The following CCSER2 variants were observed in gnomAD, a reference collection of about 807,000 sequenced individuals.
CCSER2 encodes serine-rich coiled-coil domain-containing protein 2.
Under a neutral mutation model 92.3 loss-of-function variants are expected in CCSER2, and 46 were observed. The ratio of observed to expected loss-of-function variants is 0.50; its 90% CI spans 0.39 to 0.64. CCSER2 has a LOEUF of 0.64. Among genes scored for constraint, CCSER2 ranks in the 30% least tolerant of loss-of-function variants. CCSER2 has a pLI of 0.00. For missense variants in CCSER2, 1,244 were observed against 1,238.9 expected, an observed-to-expected ratio of 1.00 and a Z score of -0.06; for synonymous variants, 433 against 431.4, an observed-to-expected ratio of 1.00 and a Z score of -0.04.
At chr10:84,440,454 GTATA>G (rs947267249) in intron 6 of CCSER2, among the ~76,000 whole-genome samples, 1 of 152,026 alleles carries the variant, frequency 6.6e-6, no homozygotes, top group South Asian at 2.1e-4. Flanking sequence ...AATGTGATAC[GTATA>G]TATAGTTTTC....
At chr10:84,453,980 T>G (rs1209075734) in intron 6 of CCSER2, among the ~76,000 whole-genome samples, 3 of 152,214 alleles carry the variant, frequency 2.0e-5, no homozygotes, top group Non-Finnish European at 4.4e-5. Flanking sequence ...AGCTGTTTTT[T>G]GATCAAATCT....
chr10:84,470,979 T>A lies in CCSER2; in HGVS notation c.2235+521T>A, dbSNP rs192490184. On this transcript the variant is annotated intron_variant, in intron 8 of 9. Transcript: ENST00000372088. ...TGCAATTTCACATATTAGTCTCATATGAAAACAATATGTATGGTGTCTTGA... is the reference window on the plus strand; with the variant it reads ...TGCAATTTCACATATTAGTCTCATAAGAAAACAATATGTATGGTGTCTTGA... Among the ~76,000 whole-genome samples the A allele has an allele frequency of 6.2e-3, 938 of 152,202 alleles. 6 individuals are homozygous for A. Among genetic ancestry groups the A allele is most frequent in the South Asian group, 0.025 (121 of 4,824 alleles).
intron 9 of CCSER2, among the ~76,000 whole-genome samples, chr10:84,494,574 C>T (rs1420434344): frequency 6.6e-6 from 1 of 152,152 alleles, no homozygotes; most frequent in Non-Finnish European, 1.5e-5. Flanking sequence ...ATTTCCCCCT[C>T]CCCTTTACAA....
At chr10:84,457,266 T>TATATATTATATATTATATATA (rs1564684438) in intron 6 of CCSER2, among the ~76,000 whole-genome samples, 23 of 24,488 alleles carry the variant, frequency 9.4e-4, no homozygotes, top group Admixed American at 2.3e-3. Context: ...TAAAATATAT[T>TATATATTATATATTATATATA]ATATATAATA....
chr10:84,505,945 A>G (rs988119225), intron 9 of CCSER2, among the ~76,000 whole-genome samples: 1 of 152,070 alleles, frequency 6.6e-6, no homozygotes, highest in African/African-American at 2.4e-5. Context: ...TACTGTGTCT[A>G]TTGATCACAT....
At chr10:84,484,767 G>A (rs1847705895) in intron 9 of CCSER2, among the ~76,000 whole-genome samples, 1 of 152,146 alleles carries the variant, frequency 6.6e-6, no homozygotes, top group East Asian at 1.9e-4. Context: ...GTGTTGCTGA[G>A]ACATTGTGTG....
chr10:84,343,055 T>C (rs547142917), intron 1 of CCSER2, among the ~76,000 whole-genome samples: 121 of 152,304 alleles, frequency 7.9e-4, no homozygotes, highest in Admixed American at 1.8e-3. Context: ...GTATTTTTAG[T>C]AGAGTCCGGG....
intron 9 of CCSER2, among the ~76,000 whole-genome samples, chr10:84,498,929 A>G (rs1848584022): frequency 6.6e-6 from 1 of 152,226 alleles, no homozygotes; most frequent in Admixed American, 6.5e-5. Flanking sequence ...TTTCAGGAGT[A>G]TCGTAGTTCT....
At chr10:84,472,210 C>G (rs1846849968) in intron 8 of CCSER2, among the ~76,000 whole-genome samples, 1 of 151,944 alleles carries the variant, frequency 6.6e-6, no homozygotes, top group Admixed American at 6.6e-5. Flanking sequence ...AAGCAAAATC[C>G]AGTAACTTGC....
At chr10:84,330,136 G>T (rs145420600) in intron 1 of CCSER2, among the ~76,000 whole-genome samples, 2 of 152,176 alleles carry the variant, frequency 1.3e-5, no homozygotes, top group Non-Finnish European at 2.9e-5. Context: ...TTTGGAGGAA[G>T]GGACTTTGAA....
At position 84,391,516 on chromosome 10, in the gene CCSER2, A is replaced by T. The variant is rs1356559904; in HGVS notation, c.1614+17701A>T. The T allele has an allele frequency of 6.6e-6, 10 of 1,509,480 alleles. No individual in the cohort carries two copies. The East Asian group carries it at 9.0e-5, about 14-fold the overall frequency. The allele number at this position is 1,509,480 out of a possible 1,614,324, so 93.5% of individuals were successfully genotyped here. A position where few individuals can be genotyped will look rare whatever the true frequency, so the allele number is the denominator to read the frequency against. ...TAGCTGATTTCATGCCAATACTGGGAATCAACCCAAATCCAGAATTCATTT... is the reference window on the plus strand; with the variant it reads ...TAGCTGATTTCATGCCAATACTGGGTATCAACCCAAATCCAGAATTCATTT... On this transcript the variant is annotated intron_variant, in intron 3 of 9. Coordinates refer to ENST00000372088, the MANE Select transcript of CCSER2 (RefSeq NM_001284240.2).
intron 6 of CCSER2, among the ~76,000 whole-genome samples, chr10:84,462,409 A>G (rs1846152408): frequency 1.3e-5 from 2 of 152,196 alleles, no homozygotes; most frequent in South Asian, 2.1e-4. Context: ...AGACATTTAG[A>G]TATTTGGAAA....
At chr10:84,414,863 T>A (rs921981377) in intron 3 of CCSER2, among the ~76,000 whole-genome samples, 5 of 152,220 alleles carry the variant, frequency 3.3e-5, no homozygotes, top group African/African-American at 9.6e-5. Context: ...CTTTTTTCTC[T>A]AATCTTGTCT....
intron 8 of CCSER2, among the ~76,000 whole-genome samples, chr10:84,471,852 TTTGG>T (rs1846822492): frequency 6.6e-6 from 1 of 152,030 alleles, no homozygotes; most frequent in African/African-American, 2.4e-5. Context: ...TGCTATTAAT[TTTGG>T]AAAATATTCA....
chr10:84,489,551 G>A (rs2131793770), intron 9 of CCSER2, among the ~76,000 whole-genome samples: 1 of 152,230 alleles, frequency 6.6e-6, no homozygotes, highest in Middle Eastern at 3.4e-3. Context: ...TCAGAGACTA[G>A]GATTGCAACC....
intron 1 of CCSER2, among the ~76,000 whole-genome samples, chr10:84,330,906 A>G (rs1285523201): frequency 1.3e-5 from 2 of 152,188 alleles, no homozygotes; most frequent in Non-Finnish European, 2.9e-5. Context: ...TTGAGGCGCA[A>G]AGTCACGCAG....
intron 9 of CCSER2, among the ~76,000 whole-genome samples, chr10:84,497,469 T>C (rs1409442818): frequency 1.3e-5 from 2 of 152,260 alleles, no homozygotes; most frequent in Non-Finnish European, 2.9e-5. Flanking sequence ...CTCAGACCTA[T>C]GCCAGAGATT....
rs774939597 is a variant in CCSER2, at chr10:84,451,700, CAG to C, written c.2065-12231_2065-12230del. Among the ~76,000 whole-genome samples the C allele has an allele frequency of 7.3e-4, 111 of 152,138 alleles. No homozygotes were observed. In the East Asian group the frequency reaches 0.01, roughly 14 times the overall value. ...GTGTAGGTTCAATAAAAAATTTAAACAGAAAAAATTTGTAAATACTATTTGCT... is the reference window on the plus strand; with the variant it reads ...GTGTAGGTTCAATAAAAAATTTAAACAAAAAATTTGTAAATACTATTTGCT... On this transcript the variant is annotated intron_variant, in intron 6 of 9. Coordinates refer to ENST00000372088, the MANE Select transcript of CCSER2 (RefSeq NM_001284240.2).
intron 1 of CCSER2, among the ~76,000 whole-genome samples, chr10:84,350,238 C>CTCTG (rs2133064780): frequency 6.6e-6 from 1 of 152,340 alleles, no homozygotes; most frequent in African/African-American, 2.4e-5. Context: ...CCAGAGCACT[C>CTCTG]TCTGCATAGC....
Sources: gnomAD v4.1 joint callset for allele counts (sites outside exome capture counted in the v4.1 genomes callset) on GRCh38, gnomAD v4.1.1 for gene constraint, MANE v1.5 for transcripts, NCBI Gene and HGNC (gene_info 2026-07-23, HGNC 2026-07-21) for gene names.